The following PASD1 variants were observed in gnomAD, a reference collection of about 807,000 sequenced individuals.
PASD1 encodes the protein circadian clock protein PASD1.
A neutral mutation model predicts 58.8 loss-of-function variants in PASD1; 13 were observed. That is an observed-to-expected ratio of 0.22 (90% CI 0.14 to 0.35). The LOEUF is 0.35. Ranked by LOEUF, PASD1 falls within the 10% of genes least tolerant of loss-of-function variation. The pLI is 1.00. For synonymous variants in PASD1, 236 were observed against 216.7 expected, an observed-to-expected ratio of 1.09 and a Z score of -0.78; for missense variants, 734 against 568.3, an observed-to-expected ratio of 1.29 and a Z score of -2.96.
At chrX:151,621,318 A>G (rs2013705499) in intron 5 of PASD1, among the ~76,000 whole-genome samples, 164 bp from the exon 6 acceptor site, 1 of 111,467 alleles carries the variant, frequency 9.0e-6, no homozygotes, top group South Asian at 3.8e-4. Context: ...GCCCTACTCT[A>G]CTGATACAAC....
In PASD1 at chrX:151,664,053, G is replaced by C. The variant is rs899444805; in HGVS notation, c.842-66G>C. On this transcript the variant is annotated intron_variant, in intron 10 of 15. Coordinates refer to ENST00000370357, the MANE Select transcript of PASD1 (RefSeq NM_173493.3). ...CATGGGCTAAAATGACCCTCGTACA[G>C]TCTTTTTGATAACATTAGTACTTTT... 9 of 1,191,416 alleles carry C rather than the reference G, an allele frequency of 7.6e-6. No individual in the cohort carries two copies. In the African/African-American group the frequency reaches 1.4e-4, roughly 19 times the overall value.
rs1368773170 is a variant in PASD1, at chrX:151,661,236, C to CTGTTGGCTAAACACTCTAAACACTCTA, written c.841+1400_841+1401insTGTTGGCTAAACACTCTAAACACTCTA. On this transcript the variant is annotated intron_variant, in intron 10 of 15. Transcript: ENST00000370357. Reference sequence around the variant, plus strand: ...AAAGAGTTAAGCAGAAGAATTTAGCCAACAGTCTAAACACTGGAAGTATCC... The same window carrying CTGTTGGCTAAACACTCTAAACACTCTA: ...AAAGAGTTAAGCAGAAGAATTTAGCCTGTTGGCTAAACACTCTAAACACTCTAAACAGTCTAAACACTGGAAGTATCC... Among the ~76,000 whole-genome samples the CTGTTGGCTAAACACTCTAAACACTCTA allele has an allele frequency of 3.6e-5, 4 of 111,651 alleles. No homozygotes were observed. In the East Asian group the frequency reaches 1.1e-3, roughly 31 times the overall value.
intron 1 of PASD1, among the ~76,000 whole-genome samples, chrX:151,594,198 C>A (rs2013287347): frequency 9.1e-6 from 1 of 110,377 alleles, no homozygotes; most frequent in Non-Finnish European, 1.9e-5. Flanking sequence ...TGGTCTCGAT[C>A]TCCTGACCTC....
chrX:151,581,227 C>CAAGAAAAAAAAAAAA (rs2013086973), intron 1 of PASD1, among the ~76,000 whole-genome samples: 1 of 31,505 alleles, frequency 3.2e-5, no homozygotes, highest in Non-Finnish European at 5.5e-5. Context: ...AGCTCTGTAT[C>CAAGAAAAAAAAAAAA]AAAAAAAAAA....
chrX:151,637,735 C>T (rs964173903), intron 8 of PASD1, among the ~76,000 whole-genome samples: 10 of 111,707 alleles, frequency 9.0e-5, no homozygotes, highest in Middle Eastern at 9.2e-3. Flanking sequence ...AAATTTTAGC[C>T]ACTAATAGGC....
At chrX:151,675,826 G>A (rs1012029802) in intron 15 of PASD1, among the ~76,000 whole-genome samples, 171 bp from the exon 16 acceptor site, 2 of 112,473 alleles carry the variant, frequency 1.8e-5, no homozygotes, top group Non-Finnish European at 3.8e-5. Flanking sequence ...GAAGAGGAGA[G>A]GAACCTTATC....
chrX:151,650,659 C>T (rs1239171961), intron 9 of PASD1, among the ~76,000 whole-genome samples: 1 of 111,802 alleles, frequency 8.9e-6, no homozygotes, highest in Non-Finnish European at 1.9e-5. Flanking sequence ...GCCAGGTTAA[C>T]TTGCCTACCT....
chrX:151,566,812 A>T (rs1371117644), intron 1 of PASD1, among the ~76,000 whole-genome samples: 1 of 110,720 alleles, frequency 9.0e-6, no homozygotes, highest in Non-Finnish European at 1.9e-5. Context: ...CATGCCTGTA[A>T]TCCCAGCACT....
intron 8 of PASD1, among the ~76,000 whole-genome samples, chrX:151,644,826 A>G (rs933882519): frequency 1.8e-5 from 2 of 110,310 alleles, no homozygotes; most frequent in African/African-American, 6.6e-5. Flanking sequence ...ACCAATGTTG[A>G]GGGTATGTGA....
intron 1 of PASD1, among the ~76,000 whole-genome samples, chrX:151,573,162 G>T (rs2012951685): frequency 9.4e-6 from 1 of 106,556 alleles, no homozygotes; most frequent in South Asian, 4.4e-4. Flanking sequence ...AATCTCCCAA[G>T]AACTCACTCA....
chrX:151,626,845 A>T (rs2013795288), intron 8 of PASD1, among the ~76,000 whole-genome samples: 2 of 111,417 alleles, frequency 1.8e-5, no homozygotes, highest in South Asian at 7.6e-4. Context: ...CTGGTGAAGG[A>T]ATGAGTTAAA....
chrX:151,654,033 A>G (rs1172578403), intron 9 of PASD1, among the ~76,000 whole-genome samples: 1 of 99,627 alleles, frequency 1.0e-5, no homozygotes, highest in East Asian at 3.2e-4. Context: ...ATGCAGTGGC[A>G]TGGTCAGCTC....
chrX:151,667,948 T>C (rs1000910857), intron 11 of PASD1, among the ~76,000 whole-genome samples: 10 of 111,988 alleles, frequency 8.9e-5, no homozygotes, highest in African/African-American at 1.3e-4. Flanking sequence ...GGGGACGGCA[T>C]TGAATCTATA....
intron 3 of PASD1, among the ~76,000 whole-genome samples, chrX:151,605,883 ACT>A (rs1328485662): frequency 8.9e-6 from 1 of 111,739 alleles, no homozygotes; most frequent in Admixed American, 9.5e-5. Flanking sequence ...ACTGCACCTG[ACT>A]CTCTCTCAAT....
At chrX:151,660,773 T>C (rs1025818801) in intron 10 of PASD1, among the ~76,000 whole-genome samples, 1 of 112,634 alleles carries the variant, frequency 8.9e-6, no homozygotes, top group African/African-American at 3.2e-5. Context: ...ATGGCTGATA[T>C]GGTAGAAGTC....
At chrX:151,604,782 A>G (rs745842529) in intron 3 of PASD1, 48 bp downstream of exon 3, 5 of 958,111 alleles carry the variant, frequency 5.2e-6, no homozygotes, top group Non-Finnish European at 7.4e-6. Flanking sequence ...GAATACATGT[A>G]ATAGAAGACA....
At chrX:151,587,968 T>TA (rs2013191258) in intron 1 of PASD1, among the ~76,000 whole-genome samples, 1 of 112,406 alleles carries the variant, frequency 8.9e-6, no homozygotes, top group Admixed American at 9.4e-5. Flanking sequence ...ACTTGGTTGA[T>TA]ATGTTTATAT....
At chrX:151,608,773 A>G (rs58585770) in intron 3 of PASD1, among the ~76,000 whole-genome samples, 3,901 of 110,687 alleles carry the variant, frequency 0.035, 119 homozygotes, top group African/African-American at 0.097. Context: ...GTGATTGGTT[A>G]TATTTTTTAC....
At chrX:151,653,295 C>T (rs1602956037) in intron 9 of PASD1, among the ~76,000 whole-genome samples, 1 of 108,707 alleles carries the variant, frequency 9.2e-6, no homozygotes, top group South Asian at 4.0e-4. Context: ...CAGGTTCAAG[C>T]GATTCTCCAG....
Sources: gnomAD v4.1 joint callset for allele counts (sites outside exome capture counted in the v4.1 genomes callset) on GRCh38, gnomAD v4.1.1 for gene constraint, MANE v1.5 for transcripts, NCBI Gene and HGNC (gene_info 2026-07-23, HGNC 2026-07-21) for gene names.